Variants in BPGM observed in about 807,000 individuals in gnomAD.
BPGM encodes the protein 2,3-bisphosphoglycerate mutase, erythrocyte.
Under a neutral mutation model 21.6 loss-of-function variants are expected in BPGM, and 15 were observed. That is an observed-to-expected ratio of 0.70 (90% CI 0.47 to 1.07). BPGM has a LOEUF of 1.07. Among genes scored for constraint, BPGM ranks in the 50% least tolerant of loss-of-function variants. The pLI is 0.00. For synonymous variants in BPGM, 113 were observed against 116.2 expected (o/e 0.97, Z 0.18); for missense variants, 273 against 319.0 (o/e 0.86, Z 1.10).
intron 1 of BPGM, among the ~76,000 whole-genome samples, chr7:134,653,831 G>A (rs1795594282): frequency 6.6e-6 from 1 of 152,106 alleles, no homozygotes; most frequent in South Asian, 2.1e-4. Flanking sequence ...GGCATTTATG[G>A]AAAGAATATT....
At chr7:134,659,354 CACTT>C (rs745356954) in intron 1 of BPGM, among the ~76,000 whole-genome samples, 9 of 149,886 alleles carry the variant, frequency 6.0e-5, no homozygotes, top group Admixed American at 1.3e-4. Context: ...CAAATTAACA[CACTT>C]ACACACACCC....
At chr7:134,656,458 A>G (rs1795640483) in intron 1 of BPGM, among the ~76,000 whole-genome samples, 1 of 152,236 alleles carries the variant, frequency 6.6e-6, no homozygotes, top group African/African-American at 2.4e-5. Context: ...CATATCAGAG[A>G]CTGGGTAATT....
At chr7:134,673,663 C>G (rs981511230) in intron 2 of BPGM, among the ~76,000 whole-genome samples, 8 of 152,152 alleles carry the variant, frequency 5.3e-5, no homozygotes, top group Non-Finnish European at 2.9e-5. Flanking sequence ...CTTTACCAGT[C>G]GTGGGAACAC....
In BPGM at chr7:134,647,641, T is replaced by C. The variant is rs559522647; in HGVS notation, c.-62+704T>C. Among the ~76,000 whole-genome samples, 4 of 152,292 alleles carry C rather than the reference T, an allele frequency of 2.6e-5. No individual in the cohort carries two copies. In the East Asian group the frequency reaches 7.7e-4, roughly 29 times the overall value. Reference sequence around the variant, plus strand: ...ATCCCCCTACTGCCTCCCTTGCAAATTACGGAAGATCTTTAGCTTGTGAGT... The same window carrying C: ...ATCCCCCTACTGCCTCCCTTGCAAACTACGGAAGATCTTTAGCTTGTGAGT... On this transcript the variant is annotated intron_variant, in intron 1 of 2. Coordinates refer to ENST00000344924, the MANE Select transcript of BPGM (RefSeq NM_001724.5).
rs942777046 is a variant in BPGM at position 134,679,560 on chromosome 7, C to A, written c.*529C>A. On this transcript the variant is annotated 3_prime_UTR_variant, in exon 3 of 3. Coordinates refer to ENST00000344924, the MANE Select transcript of BPGM (RefSeq NM_001724.5). Reference sequence around the variant, plus strand: ...TTGAGAAAGTCACAGATATATTTCTCCAAGAAAGCCAACAACCACCACCAC... The same window carrying A: ...TTGAGAAAGTCACAGATATATTTCTACAAGAAAGCCAACAACCACCACCAC... 5.2e-5 allele frequency: 8 copies of A among 153,420 alleles called. No individual in the cohort carries two copies. Among genetic ancestry groups the A allele is most frequent in the African/African-American group, 1.7e-4 (7 of 41,446 alleles). 9.5% of individuals were successfully genotyped at this position (153,420 alleles called of 1,614,324 possible).
intron 1 of BPGM, among the ~76,000 whole-genome samples, chr7:134,650,233 G>A (rs77688484): frequency 4.5e-4 from 68 of 152,314 alleles, no homozygotes; most frequent in African/African-American, 1.6e-3. Flanking sequence ...AGGAAGGAGG[G>A]GTCCGTCATG....
chr7:134,672,251 G>A (rs949910363), intron 2 of BPGM, among the ~76,000 whole-genome samples: 1 of 151,536 alleles, frequency 6.6e-6, no homozygotes, highest in Non-Finnish European at 1.5e-5. Context: ...CAGACTTTAA[G>A]TATTTAACAC....
chr7:134,671,567 G>A (rs1198063458), intron 2 of BPGM, among the ~76,000 whole-genome samples: 1 of 152,000 alleles, frequency 6.6e-6, no homozygotes, highest in African/African-American at 2.4e-5. Context: ...GGGTTTCACT[G>A]TGTTAGCCAG....
intron 2 of BPGM, among the ~76,000 whole-genome samples, chr7:134,665,171 T>C (rs1431776129): frequency 1.3e-5 from 2 of 151,812 alleles, no homozygotes; most frequent in African/African-American, 2.4e-5. Context: ...TAGAAAACAG[T>C]GGGGGGTGGC....
At chr7:134,673,488 T>A (rs1412826715) in intron 2 of BPGM, among the ~76,000 whole-genome samples, 4 of 152,200 alleles carry the variant, frequency 2.6e-5, no homozygotes, top group African/African-American at 9.7e-5. Context: ...ACCTGTTGGA[T>A]CCGGTTAGAT....
chr7:134,672,926 G>A (rs1363928256), intron 2 of BPGM, among the ~76,000 whole-genome samples: 2 of 152,152 alleles, frequency 1.3e-5, no homozygotes, highest in Admixed American at 6.5e-5. Context: ...TGTAATCTCA[G>A]CACTTTGGGA....
intron 1 of BPGM, among the ~76,000 whole-genome samples, chr7:134,652,739 CA>C (rs1795576020): frequency 6.6e-6 from 1 of 152,116 alleles, no homozygotes; most frequent in Non-Finnish European, 1.5e-5. Flanking sequence ...TTTGTCTTTC[CA>C]TGCCTGACTT....
At chr7:134,653,472 T>A (rs1795588571) in intron 1 of BPGM, among the ~76,000 whole-genome samples, 1 of 152,236 alleles carries the variant, frequency 6.6e-6, no homozygotes. Context: ...AAGTGCTGCC[T>A]GATCCTGCTA....
intron 1 of BPGM, among the ~76,000 whole-genome samples, chr7:134,648,465 C>G (rs566949300): frequency 6.6e-6 from 1 of 152,170 alleles, no homozygotes; most frequent in Non-Finnish European, 1.5e-5. Flanking sequence ...TCCCGTGAGT[C>G]CAGGGAATAG....
intron 1 of BPGM, among the ~76,000 whole-genome samples, chr7:134,653,655 C>T (rs1459232204): frequency 6.6e-6 from 1 of 152,098 alleles, no homozygotes; most frequent in East Asian, 1.9e-4. Flanking sequence ...CCAAATGGGA[C>T]ACTTAAGTGT....
In BPGM at chr7:134,677,944, A is replaced by G. The variant is rs1796005340; in HGVS notation, c.602-909A>G. ...TCTCTGTGTGATAATTGTTTACTTAACCTCTCTGTGCCAGAACTTGTTACA... is the reference window on the plus strand; with the variant it reads ...TCTCTGTGTGATAATTGTTTACTTAGCCTCTCTGTGCCAGAACTTGTTACA... On this transcript the variant is annotated intron_variant, in intron 2 of 2. Transcript: ENST00000344924. Among the ~76,000 whole-genome samples the G allele has an allele frequency of 3.3e-5, 5 of 152,036 alleles. No homozygotes were observed. In the South Asian group the frequency reaches 1.0e-3, roughly 32 times the overall value.
intron 2 of BPGM, among the ~76,000 whole-genome samples, chr7:134,666,236 C>T (rs887910526): frequency 1.6e-4 from 24 of 152,146 alleles, no homozygotes; most frequent in Admixed American, 3.9e-4. Flanking sequence ...TTACCATAAA[C>T]AGGCTTTATA....
At chr7:134,657,337 G>A (rs1036989708) in intron 1 of BPGM, among the ~76,000 whole-genome samples, 3 of 152,200 alleles carry the variant, frequency 2.0e-5, no homozygotes, top group Non-Finnish European at 4.4e-5. Flanking sequence ...GAAAGAACCT[G>A]ACATGCTCAA....
intron 2 of BPGM, among the ~76,000 whole-genome samples, chr7:134,676,801 G>C (rs1795988910): frequency 6.6e-6 from 1 of 152,200 alleles, no homozygotes; most frequent in African/African-American, 2.4e-5. Context: ...ATTTGGGAGT[G>C]AGCACTGTTG....
Sources: gnomAD v4.1 joint callset for allele counts (sites outside exome capture counted in the v4.1 genomes callset) on GRCh38, gnomAD v4.1.1 for gene constraint, MANE v1.5 for transcripts, NCBI Gene and HGNC (gene_info 2026-07-23, HGNC 2026-07-21) for gene names.